Variants in CNTNAP5 observed in about 807,000 individuals in gnomAD.
CNTNAP5 encodes the protein contactin-associated protein-like 5.
In CNTNAP5, 72 loss-of-function variants were observed where a neutral mutation model predicts 150.2. That is an observed-to-expected ratio of 0.48 (90% CI 0.40 to 0.58). The LOEUF (loss-of-function observed/expected upper bound fraction) is 0.58. Ranked by LOEUF, CNTNAP5 falls within the 20% of genes least tolerant of loss-of-function variation. CNTNAP5 has a pLI of 0.00. For synonymous variants in CNTNAP5, 672 were observed against 619.8 expected, an observed-to-expected ratio of 1.08 and a Z score of -1.25; for missense variants, 1,636 against 1,626.2, an observed-to-expected ratio of 1.01 and a Z score of -0.10.
At chr2:124,109,300 C>A (rs1683243927) in intron 1 of CNTNAP5, among the ~76,000 whole-genome samples, 1 of 152,166 alleles carries the variant, frequency 6.6e-6, no homozygotes, top group Non-Finnish European at 1.5e-5. Context: ...CCCCAAACCC[C>A]ACTCAGCCCT....
rs571632461 is a variant in CNTNAP5, at chr2:124,917,865, G to A, written c.*3577G>A. Among the ~76,000 whole-genome samples, 20 of 152,088 alleles carry A rather than the reference G, an allele frequency of 1.3e-4. No homozygotes were observed. Among genetic ancestry groups the A allele is most frequent in the African/African-American group, 4.6e-4 (19 of 41,520 alleles). On this transcript the variant is annotated 3_prime_UTR_variant, in exon 24 of 24. Transcript: ENST00000682447. ...GTCCTAGAATGCAGCACAAGGTCCC[G>A]CACAATTATTTTTGTGAAGCATCTG...
At chr2:124,420,296 G>A (rs114157421) in intron 4 of CNTNAP5, among the ~76,000 whole-genome samples, 89 of 151,882 alleles carry the variant, frequency 5.9e-4, no homozygotes, top group East Asian at 1.4e-3. Context: ...AGTTTGACTC[G>A]ATTGTTTCTA....
At chr2:124,454,867 A>G (rs943263055) in intron 6 of CNTNAP5, among the ~76,000 whole-genome samples, 4 of 152,100 alleles carry the variant, frequency 2.6e-5, no homozygotes, top group Non-Finnish European at 5.9e-5. Context: ...TTCACAACCT[A>G]TCAAAACCTC....
At chr2:124,320,769 T>C (rs1689078994) in intron 3 of CNTNAP5, among the ~76,000 whole-genome samples, 1 of 152,222 alleles carries the variant, frequency 6.6e-6, no homozygotes, top group Non-Finnish European at 1.5e-5. Flanking sequence ...TCACATTTTA[T>C]GTGTGTGGGT....
At chr2:124,419,965 T>TCC (rs1692052817) in intron 4 of CNTNAP5, among the ~76,000 whole-genome samples, 1 of 34,998 alleles carries the variant, frequency 2.9e-5, no homozygotes, top group Non-Finnish European at 5.8e-5. Flanking sequence ...TCCTTTTCTC[T>TCC]CTCTCTCTTT....
intron 1 of CNTNAP5, among the ~76,000 whole-genome samples, chr2:124,089,000 C>T (rs55718116): frequency 0.089 from 13,613 of 152,218 alleles, 749 homozygotes; most frequent in East Asian, 0.31. Context: ...CTAGAGAGAA[C>T]AGGCTTGTTT....
chr2:124,065,771 C>A (rs192747062), intron 1 of CNTNAP5, among the ~76,000 whole-genome samples: 6 of 152,116 alleles, frequency 3.9e-5, no homozygotes, highest in African/African-American at 1.4e-4. Context: ...GGTTGGTGTT[C>A]TCAGTTTAAC....
intron 7 of CNTNAP5, among the ~76,000 whole-genome samples, chr2:124,492,595 TA>T (rs1694056234): frequency 1.3e-5 from 2 of 152,194 alleles, no homozygotes; most frequent in Non-Finnish European, 2.9e-5. Flanking sequence ...AGGATTTTTT[TA>T]TTCTACTTCT....
chr2:124,057,351 G>A (rs969418617), intron 1 of CNTNAP5, among the ~76,000 whole-genome samples: 2 of 147,356 alleles, frequency 1.4e-5, no homozygotes, highest in African/African-American at 5.0e-5. Flanking sequence ...GCGTGATCTC[G>A]GCTCACTGCA....
chr2:124,645,731 G>A lies in CNTNAP5; in HGVS notation c.1877-2027G>A, dbSNP rs1022932475. 2.0e-5 allele frequency among the ~76,000 whole-genome samples: 3 copies of A among 152,192 alleles called. 1 individual carries two copies. The highest frequency in any genetic ancestry group is 2.0e-4 in the Admixed American group (3 of 15,278). On this transcript the variant is annotated intron_variant, in intron 12 of 23. Coordinates refer to ENST00000682447, the MANE Select transcript of CNTNAP5 (RefSeq NM_001367498.1). ...TTTGCATTGCTAAATGGGAATACCT[G>A]AAACTGGGTAATTTAGAAAGAAAAG...
At chr2:124,444,094 G>T (rs1173512284) in intron 5 of CNTNAP5, among the ~76,000 whole-genome samples, 1 of 151,850 alleles carries the variant, frequency 6.6e-6, no homozygotes, top group African/African-American at 2.4e-5. Flanking sequence ...CTGTGTGTGG[G>T]GTGGCGGTGG....
chr2:124,330,582 G>A (rs577950095), intron 3 of CNTNAP5, among the ~76,000 whole-genome samples: 4 of 152,152 alleles, frequency 2.6e-5, no homozygotes, highest in Non-Finnish European at 5.9e-5. Flanking sequence ...CTGCTGCCTT[G>A]TAAAAAAGGT....
intron 1 of CNTNAP5, among the ~76,000 whole-genome samples, chr2:124,054,584 A>AG (rs1191739991): frequency 6.6e-6 from 1 of 152,098 alleles, no homozygotes; most frequent in Non-Finnish European, 1.5e-5. Flanking sequence ...GCATGAGGAG[A>AG]GAGGGAAGTA....
At chr2:124,278,050 A>G (rs934691569) in intron 3 of CNTNAP5, among the ~76,000 whole-genome samples, 3 of 152,078 alleles carry the variant, frequency 2.0e-5, no homozygotes, top group Non-Finnish European at 4.4e-5. Context: ...TCACTGGGGG[A>G]GATTACTGTT....
At chr2:124,625,483 G>A (rs1677702260) in intron 12 of CNTNAP5, among the ~76,000 whole-genome samples, 1 of 149,204 alleles carries the variant, frequency 6.7e-6, no homozygotes, top group Admixed American at 6.6e-5. Flanking sequence ...GTAGTGATCA[G>A]AAATAGCATG....
intron 3 of CNTNAP5, among the ~76,000 whole-genome samples, chr2:124,303,848 A>G (rs1015232436): frequency 1.3e-5 from 2 of 152,150 alleles, no homozygotes; most frequent in Non-Finnish European, 2.9e-5. Flanking sequence ...CCTAAGCAAC[A>G]TAGAAAGACC....
At chr2:124,758,392 G>T in intron 14 of CNTNAP5, among the ~76,000 whole-genome samples, 1 of 151,992 alleles carries the variant, frequency 6.6e-6, no homozygotes, top group East Asian at 1.9e-4. Flanking sequence ...TCCAAGGGAA[G>T]GATTTAGTAG....
chr2:124,230,924 C>A (rs1315961960), intron 2 of CNTNAP5, among the ~76,000 whole-genome samples: 1 of 152,120 alleles, frequency 6.6e-6, no homozygotes, highest in Non-Finnish European at 1.5e-5. Flanking sequence ...TTTTCAGCAC[C>A]TTTCCTTTCT....
intron 14 of CNTNAP5, among the ~76,000 whole-genome samples, chr2:124,751,212 G>A (rs934852633): frequency 1.3e-5 from 2 of 151,774 alleles, no homozygotes; most frequent in Non-Finnish European, 2.9e-5. Context: ...TGTACTACAA[G>A]TAGGGGTTGG....
Sources: gnomAD v4.1 joint callset for allele counts (sites outside exome capture counted in the v4.1 genomes callset) on GRCh38, gnomAD v4.1.1 for gene constraint, MANE v1.5 for transcripts, NCBI Gene and HGNC (gene_info 2026-07-23, HGNC 2026-07-21) for gene names.